MPO: variants seen among roughly 807,000 people sequenced by gnomAD.
MPO encodes myeloperoxidase.
In MPO, 57 loss-of-function variants were observed where a neutral mutation model predicts 69.4. That is an observed-to-expected ratio of 0.82 (90% confidence interval 0.66 to 1.02). The LOEUF (loss-of-function observed/expected upper bound fraction) is 1.02, where lower values mean the gene tolerates loss of function less well. Among genes scored for constraint, MPO ranks in the 50% least tolerant of loss-of-function variants. The probability of loss-of-function intolerance (pLI) is 0.00; values close to 1 mark genes in which losing one functional copy is unlikely to be tolerated. For synonymous variants in MPO, 426 were observed against 417.1 expected, an observed-to-expected ratio of 1.02 and a Z score of -0.26; for missense variants, 971 against 1,014.1, an observed-to-expected ratio of 0.96 and a Z score of 0.58.
chr17:58,272,678 G>T (rs979180081), intron 10 of MPO, 70 bp downstream of exon 10: 5 of 1,552,402 alleles, frequency 3.2e-6, no homozygotes, highest in African/African-American at 1.3e-5. Flanking sequence ...AGTGGGAAGG[G>T]GGGTGATGGG....
chr17:58,277,370 G>A (rs889657473), intron 7 of MPO, among the ~76,000 whole-genome samples: 14 of 152,324 alleles, frequency 9.2e-5, no homozygotes, highest in African/African-American at 3.1e-4. Context: ...GGTTAGCACC[G>A]CTGAGAAACT....
intron 10 of MPO, among the ~76,000 whole-genome samples, chr17:58,272,246 T>C (rs896319411): frequency 1.3e-5 from 2 of 152,036 alleles, no homozygotes; most frequent in Non-Finnish European, 2.9e-5. Flanking sequence ...CCATGAGAGG[T>C]GAAATGTGTC....
Position 58,279,287 on chromosome 17 carries a change from C to CGGCAGAG in MPO, c.678+9_678+10insCTCTGCC. The CGGCAGAG allele has an allele frequency of 6.4e-7, 1 of 1,562,820 alleles. No homozygotes were observed. On this transcript the variant is annotated intron_variant, in intron 5 of 11. Coordinates refer to ENST00000225275, the MANE Select transcript of MPO (RefSeq NM_000250.2). ...GCCGGGCCTCGCCCCCTCTGCCCGC[C>CGGCAGAG]GGCGCTCACCAGAGCCACCGGGAAG...
At chr17:58,278,281 G>T in intron 6 of MPO, 136 bp from the exon 7 acceptor site, 1 of 941,930 alleles carries the variant, frequency 1.1e-6, no homozygotes, top group Non-Finnish European at 1.6e-6. Flanking sequence ...GAAAGGGATC[G>T]CTGCCTAGGG....
At chr17:58,273,060 GC>G in intron 9 of MPO, 142 bp from the exon 10 acceptor site, 1 of 1,036,670 alleles carries the variant, frequency 9.6e-7, no homozygotes, top group Non-Finnish European at 1.4e-6. Flanking sequence ...CAAGGTGGTG[GC>G]CCCAGTGAGC....
In MPO at chr17:58,270,869, T is replaced by G. The variant is rs2071409; in HGVS notation, c.2031-6A>C. 250,108 of 1,612,414 alleles carry G rather than the reference T, an allele frequency of 0.16. 19,702 individuals carry two copies. The highest frequency in any genetic ancestry group is 0.17 in the South Asian group (15,108 of 91,008). On this transcript the variant is annotated splice_polypyrimidine_tract_variant and splice_region_variant and intron_variant, in intron 11 of 11. Transcript: ENST00000225275. This position sits in a 1 kb window ranked among gnomAD's most constrained non-coding sequence, Gnocchi z 4.1. ...CCTCGTTCTCCCACCAAAACCTGCA[T>G]GGGGAACACCCATGGACACTGTGCC... is the stretch of plus-strand genomic sequence containing the variant.
Position 58,272,898 on chromosome 17 carries a change from G to A in MPO, c.1642C>T (p.Arg548Trp), listed in dbSNP as rs148802625. The A allele has an allele frequency of 2.4e-4, 388 of 1,614,116 alleles. 1 individual carries two copies. Among genetic ancestry groups the A allele is most frequent in the Non-Finnish European group, 2.6e-4 (303 of 1,180,028 alleles). The change falls in exon 10 of 12, where the codon CGG becomes TGG. Residue 548 changes from arginine (R) to tryptophan (W), a missense_variant. Transcript: ENST00000225275. ...TTGGCAGGGGTGGCCATGAGGCCCC[G>A]GAGGATGGGGTCAATGCCACCTGGG... ...VLEGGIDPIL[R>W]GLMATPAKLN...
intron 9 of MPO, 130 bp downstream of exon 9, chr17:58,273,284 G>T: frequency 7.0e-7 from 1 of 1,423,936 alleles, no homozygotes; most frequent in South Asian, 1.2e-5. Flanking sequence ...ACTGAGGCTA[G>T]AGAGTCAGAC....
At chr17:58,274,094 T>C (rs1970403686) in intron 8 of MPO, 1 of 447,848 alleles carries the variant, frequency 2.2e-6, no homozygotes. Context: ...GTTGTTGAAA[T>C]TCTTCACAGT....
chr17:58,279,603 G>T lies in MPO; in HGVS notation c.468C>A (p.Ser156Arg), dbSNP rs1282830420. ...CCCCCACGTCCTGGTAGGCGCAGCC[G>T]CTTGACTTGGACAACACATTCAGCT... ...PAQLNVLSKS[S>R]GCAYQDVGVT... Residue 156 changes from serine to arginine, a missense_variant, in exon 4 of 12, where the codon AGC becomes AGA. Ser to Arg is a moderately radical substitution (Grantham distance 110, BLOSUM62 -1). Transcript: ENST00000225275. The T allele has an allele frequency of 2.5e-6, 4 of 1,614,024 alleles. No homozygotes were observed. Among genetic ancestry groups the T allele is most frequent in the South Asian group, 1.1e-5 (1 of 91,086 alleles).
chr17:58,276,132 C>T (rs796258324), intron 7 of MPO, among the ~76,000 whole-genome samples: 11 of 152,218 alleles, frequency 7.2e-5, no homozygotes, highest in Non-Finnish European at 1.5e-4. Flanking sequence ...TTCATTGATT[C>T]TCTTGATTCC....
chr17:58,273,048 G>A, intron 9 of MPO, 130 bp from the exon 10 acceptor site: 1 of 1,196,416 alleles, frequency 8.4e-7, no homozygotes. Context: ...AGTGCCTGGT[G>A]CCAAGGTGGT....
chr17:58,272,207 C>T (rs1443487358), intron 10 of MPO, among the ~76,000 whole-genome samples: 1 of 152,212 alleles, frequency 6.6e-6, no homozygotes, highest in Non-Finnish European at 1.5e-5. Flanking sequence ...TGTCCCCCTC[C>T]AGAGCAGCCC....
Position 58,275,474 on chromosome 17 carries a change from G to A in MPO, c.1365+68C>T. The A allele has an allele frequency of 6.2e-7, 1 of 1,605,878 alleles. No individual in the cohort carries two copies. The highest frequency in any genetic ancestry group is 8.5e-7 in the Non-Finnish European group (1 of 1,173,384). On this transcript the variant is annotated intron_variant, in intron 8 of 11. Coordinates refer to ENST00000225275, the MANE Select transcript of MPO (RefSeq NM_000250.2). This position sits in a 1 kb window ranked among gnomAD's most constrained non-coding sequence, Gnocchi z 4.1. ...TCAGGAGCGTTAGGAACTTGCCCAA[G>A]GTCACACAGCTAGGATGTTGCAGGG...
In MPO at chr17:58,270,626, C is replaced by G; in HGVS notation, c.*30G>C. Reference sequence around the variant, plus strand: ...TTCCAACTGGCCAGCCCAGATATACCCCTCACTGCTGCACCCCCTTACCTG... The same window carrying G: ...TTCCAACTGGCCAGCCCAGATATACGCCTCACTGCTGCACCCCCTTACCTG... On this transcript the variant is annotated 3_prime_UTR_variant, in exon 12 of 12. Transcript: ENST00000225275. This position sits in a 1 kb window ranked among gnomAD's most constrained non-coding sequence, Gnocchi z 4.1. 6.4e-7 allele frequency: 1 copy of G among 1,565,468 alleles called. No homozygotes were observed. Among genetic ancestry groups the G allele is most frequent in the African/African-American group, 1.4e-5 (1 of 73,786 alleles).
chr17:58,280,748 G>A lies in MPO; in HGVS notation c.11C>T (p.Pro4Leu). The A allele has an allele frequency of 1.9e-6, 3 of 1,614,178 alleles. No homozygotes were observed. The highest frequency in any genetic ancestry group is 1.7e-6 in the Non-Finnish European group (2 of 1,180,024). Reference sequence around the variant, plus strand: ...CATGCATCTGAGAGAAGAGAAGAAGGGAACCCCCATCTCTCTTCTCCTGGG... The same window carrying A: ...CATGCATCTGAGAGAAGAGAAGAAGAGAACCCCCATCTCTCTTCTCCTGGG... The part of the protein sequence containing the change: MGV[P>L]FFSSLRCMVD... Residue 4 changes from proline (P) to leucine (L), a missense_variant, in exon 1 of 12, where the codon CCC (proline) becomes CTC (leucine). By Grantham distance (98) the Pro-to-Leu change is moderately conservative. Transcript: ENST00000225275.
intron 5 of MPO, 25 bp downstream of exon 5, chr17:58,279,272 G>A (rs763701991): frequency 3.8e-6 from 6 of 1,561,346 alleles, no homozygotes; most frequent in East Asian, 4.8e-5. Context: ...GCCGGGCCTC[G>A]CCCCCTCTGC....
chr17:58,280,452 C>CA lies in MPO; in HGVS notation c.161dup (p.Glu56GlyfsTer62). 2 of 1,614,076 alleles carry CA rather than the reference C, an allele frequency of 1.2e-6. No homozygotes were observed. Among genetic ancestry groups the CA allele is most frequent in the Non-Finnish European group, 1.7e-6 (2 of 1,179,978 alleles). On this transcript the variant is annotated frameshift_variant, in exon 2 of 12. Coordinates refer to ENST00000225275, the MANE Select transcript of MPO (RefSeq NM_000250.2). LOFTEE classifies it high-confidence loss of function. ...GCACCAACGAGGTGTCCACCTCCCC[C>CA]AGGACAGCTGCCCAGAGCAGGGATC... is the stretch of plus-strand genomic sequence containing the variant.
rs145046200 is a variant in MPO, at chr17:58,279,191, G to A, written c.702C>T (p.Ile234=). ...VALARAVSNE[I]VRFPTDQLTP... ...TCAGCTGATCAGTGGGGAAGCGCACGATCTCGTTGGAGACCGCGCGAGCCT... is the reference window on the plus strand; with the variant it reads ...TCAGCTGATCAGTGGGGAAGCGCACAATCTCGTTGGAGACCGCGCGAGCCT... The change falls in exon 6 of 12, where the codon ATC becomes ATT. Residue 234 remains isoleucine (I), a synonymous_variant. Coordinates refer to ENST00000225275, the MANE Select transcript of MPO (RefSeq NM_000250.2). 6.2e-6 allele frequency: 10 copies of A among 1,607,750 alleles called. No individual in the cohort carries two copies. The African/African-American group carries it at 1.1e-4, about 17-fold the overall frequency.
Sources: gnomAD v4.1 joint callset for allele counts (sites outside exome capture counted in the v4.1 genomes callset) on GRCh38, gnomAD v4.1.1 for gene constraint, Gnocchi (gnomAD v3.1) non-coding constraint, MANE v1.5 for transcripts, NCBI Gene and HGNC (gene_info 2026-07-23, HGNC 2026-07-21) for gene names.